Variants in IL1RAPL1 observed in about 807,000 individuals in gnomAD.
IL1RAPL1 encodes interleukin 1 receptor accessory protein like 1, also known as interleukin-1 receptor accessory protein-like 1.
A neutral mutation model predicts 48.4 loss-of-function variants in IL1RAPL1; 3 were observed. The ratio of observed to expected loss-of-function variants is 0.06; its 90% CI spans 0.03 to 0.16. The LOEUF (loss-of-function observed/expected upper bound fraction) is 0.16. Among genes scored for constraint, IL1RAPL1 ranks in the 10% least tolerant of loss-of-function variants. IL1RAPL1 has a pLI of 1.00. For synonymous variants in IL1RAPL1, 185 were observed against 187.7 expected, an observed-to-expected ratio of 0.99 and a Z score of 0.12; for missense variants, 349 against 530.6, an observed-to-expected ratio of 0.66 and a Z score of 3.36.
At position 29,366,553 on chromosome X, in the gene IL1RAPL1, A is replaced by ATTT. The variant is rs34164964; in HGVS notation, c.363-29674_363-29672dup. Among the ~76,000 whole-genome samples, 362 of 37,278 alleles carry ATTT rather than the reference A, an allele frequency of 9.7e-3. 38 individuals carry two copies. Among genetic ancestry groups the ATTT allele is most frequent in the East Asian group, 0.017 (15 of 894 alleles). 32.4% of individuals were successfully genotyped at this position (37,278 alleles called of 115,157 possible). A position where few individuals can be genotyped will look rare whatever the true frequency, so the allele number is the denominator to read the frequency against. ...GTTTTCTGATATTTTTGATAGGTCA[A>ATTT]TTTTTTTTTTTTTTTTTTTTTTTTT... On this transcript the variant is annotated intron_variant, in intron 3 of 10. Coordinates refer to ENST00000378993, the MANE Select transcript of IL1RAPL1 (RefSeq NM_014271.4).
chrX:29,448,595 G>C (rs992578691), intron 5 of IL1RAPL1, among the ~76,000 whole-genome samples: 1 of 112,276 alleles, frequency 8.9e-6, no homozygotes, highest in Non-Finnish European at 1.9e-5. Context: ...AATACGCAAT[G>C]GGTGGTTGAG....
intron 2 of IL1RAPL1, among the ~76,000 whole-genome samples, chrX:28,908,240 T>A (rs952095141): frequency 4.5e-5 from 5 of 111,477 alleles, no homozygotes; most frequent in African/African-American, 1.6e-4. Context: ...GTTTATATTC[T>A]TTTTTAGATA....
In IL1RAPL1 at chrX:29,356,376, TTGTG is replaced by T. The variant is rs202184981; in HGVS notation, c.363-39876_363-39873del. 7.7e-3 allele frequency among the ~76,000 whole-genome samples: 844 copies of T among 109,799 alleles called. 7 individuals are homozygous for T. Among genetic ancestry groups the T allele is most frequent in the African/African-American group, 0.026 (799 of 30,274 alleles). ...TTTTTGTAAAATTTGTGTTGTTGGT[TTGTG>T]TGTGTATCTTTTTATGTAAATTATG... is the stretch of plus-strand genomic sequence containing the variant. On this transcript the variant is annotated intron_variant, in intron 3 of 10. Transcript: ENST00000378993.
chrX:29,906,355 A>ACAAC (rs1377744150), intron 6 of IL1RAPL1, among the ~76,000 whole-genome samples: 6 of 96,983 alleles, frequency 6.2e-5, no homozygotes, highest in African/African-American at 1.1e-4. Flanking sequence ...ACAAACAACA[A>ACAAC]AAAAAAAAAC....
chrX:29,550,458 C>A (rs929334446), intron 5 of IL1RAPL1, among the ~76,000 whole-genome samples: 2 of 111,935 alleles, frequency 1.8e-5, no homozygotes, highest in African/African-American at 3.2e-5. Flanking sequence ...GGATTGCAGG[C>A]GTGAGCCACT....
intron 2 of IL1RAPL1, among the ~76,000 whole-genome samples, chrX:29,219,594 C>T (rs905903022): frequency 3.6e-5 from 4 of 111,603 alleles, no homozygotes; most frequent in African/African-American, 1.3e-4. Flanking sequence ...TGGACTGTTG[C>T]ATCTTGAAAG....
In IL1RAPL1 at chrX:28,731,001, G is replaced by T. The variant is rs1328074588; in HGVS notation, c.-24-58319G>T. 6.3e-5 allele frequency among the ~76,000 whole-genome samples: 7 copies of T among 111,294 alleles called. No individual in the cohort carries two copies. The South Asian group carries it at 1.9e-3, about 30-fold the overall frequency. On this transcript the variant is annotated intron_variant, in intron 1 of 10. Transcript: ENST00000378993. Reference sequence around the variant, plus strand: ...ATGACAACAAGTAGGAAGTGACTCAGATGTAAGAATGCTCACTCCTAGAAA... The same window carrying T: ...ATGACAACAAGTAGGAAGTGACTCATATGTAAGAATGCTCACTCCTAGAAA...
chrX:29,774,498 C>T (rs1487635456), intron 6 of IL1RAPL1, among the ~76,000 whole-genome samples: 1 of 112,033 alleles, frequency 8.9e-6, no homozygotes, highest in Non-Finnish European at 1.9e-5. Flanking sequence ...TTAAAATATA[C>T]ACGAATATCA....
At chrX:29,357,399 T>G (rs748360833) in intron 3 of IL1RAPL1, among the ~76,000 whole-genome samples, 53 of 112,090 alleles carry the variant, frequency 4.7e-4, no homozygotes, top group Non-Finnish European at 8.3e-4. Context: ...GCAGACTAAA[T>G]GTAGAAATAT....
At chrX:28,786,461 T>C (rs1453085105) in intron 1 of IL1RAPL1, among the ~76,000 whole-genome samples, 1 of 111,564 alleles carries the variant, frequency 9.0e-6, no homozygotes, top group African/African-American at 3.3e-5. Flanking sequence ...AGAGACTCTG[T>C]CTCAAAAACA....
chrX:29,804,673 T>C (rs1324216841), intron 6 of IL1RAPL1, among the ~76,000 whole-genome samples: 2 of 112,366 alleles, frequency 1.8e-5, no homozygotes, highest in Non-Finnish European at 3.8e-5. Context: ...ACCTCTTTCC[T>C]TTATAAATTA....
At chrX:28,644,778 A>G (rs974827804) in intron 1 of IL1RAPL1, among the ~76,000 whole-genome samples, 1 of 111,811 alleles carries the variant, frequency 8.9e-6, no homozygotes, top group African/African-American at 3.3e-5. Flanking sequence ...AATTATATCA[A>G]TGAGGTCGCT....
rs1555978819 is a variant in IL1RAPL1 at position 29,230,522 on chromosome X, A to AAAACAAAC, written c.83-52413_83-52412insCAAACAAA. On this transcript the variant is annotated intron_variant, in intron 2 of 10. Coordinates refer to ENST00000378993, the MANE Select transcript of IL1RAPL1 (RefSeq NM_014271.4). ...CCTTTACCAAAAAAAAAAAAAAAAAAAAAAAAAAAAAAACCTTGTTGTCTC... is the reference window on the plus strand; with the variant it reads ...CCTTTACCAAAAAAAAAAAAAAAAAAAAACAAACAAAAAAAAAAAAACCTTGTTGTCTC... 3.9e-3 allele frequency among the ~76,000 whole-genome samples: 357 copies of AAAACAAAC among 90,822 alleles called. 10 individuals are homozygous for AAAACAAAC. The highest frequency in any genetic ancestry group is 5.3e-3 in the Non-Finnish European group (252 of 47,405). 78.9% of individuals were successfully genotyped at this position (90,822 alleles called of 115,157 possible).
At chrX:28,929,768 T>C (rs1278910906) in intron 2 of IL1RAPL1, among the ~76,000 whole-genome samples, 3 of 112,565 alleles carry the variant, frequency 2.7e-5, no homozygotes, top group Admixed American at 1.9e-4. Context: ...ATGGTTGGTG[T>C]GAGGAATTTG....
chrX:28,819,761 G>A (rs1330158867), intron 2 of IL1RAPL1, among the ~76,000 whole-genome samples: 1 of 106,925 alleles, frequency 9.4e-6, no homozygotes, highest in Non-Finnish European at 1.9e-5. Context: ...AACTCCAGAG[G>A]CAAAATTAAA....
At chrX:29,881,809 A>G (rs2147215062) in intron 6 of IL1RAPL1, among the ~76,000 whole-genome samples, 1 of 111,744 alleles carries the variant, frequency 8.9e-6, no homozygotes. Context: ...CATTTGAATA[A>G]TTTATTCTTT....
At chrX:29,029,990 G>T (rs1926581779) in intron 2 of IL1RAPL1, among the ~76,000 whole-genome samples, 1 of 95,413 alleles carries the variant, frequency 1.0e-5, no homozygotes, top group Non-Finnish European at 2.1e-5. Flanking sequence ...CAACACCATT[G>T]GTTGAAAAGG....
intron 1 of IL1RAPL1, among the ~76,000 whole-genome samples, chrX:28,674,006 C>T (rs991325164): frequency 6.3e-5 from 7 of 111,660 alleles, no homozygotes; most frequent in East Asian, 5.6e-4. Context: ...GAAGCACAGG[C>T]TTTCTTTCAG....
At chrX:28,668,527 G>A (rs1168611065) in intron 1 of IL1RAPL1, among the ~76,000 whole-genome samples, 2 of 113,360 alleles carry the variant, frequency 1.8e-5, no homozygotes, top group African/African-American at 3.2e-5. Context: ...CGAAGTGCTC[G>A]GGCTATAGGC....
Sources: allele counts gnomAD v4.1 joint callset (sites outside exome capture counted in the v4.1 genomes callset), GRCh38; gene constraint gnomAD v4.1.1; transcripts MANE v1.5; gene names NCBI Gene and HGNC (gene_info 2026-07-23, HGNC 2026-07-21).